The following MFF variants were observed in gnomAD, a reference collection of about 807,000 sequenced individuals.
The protein encoded by MFF is mitochondrial fission factor, also known as chromosome 2 open reading frame 33.
MFF carries 12 observed loss-of-function variants against 36.9 expected under a neutral mutation model. The observed-to-expected ratio is 0.33, with a 90% CI of 0.21 to 0.53. MFF has a LOEUF of 0.53. Among genes scored for constraint, MFF ranks in the 20% least tolerant of loss-of-function variants. MFF has a pLI of 0.95. For missense variants in MFF, 348 were observed against 366.6 expected, an observed-to-expected ratio of 0.95 and a Z score of 0.42; for synonymous variants, 99 against 126.2, an observed-to-expected ratio of 0.78 and a Z score of 1.44.
chr2:227,333,220 A>G (rs564559128), intron 4 of MFF, among the ~76,000 whole-genome samples: 4 of 152,306 alleles, frequency 2.6e-5, no homozygotes, highest in African/African-American at 9.6e-5. Context: ...GTATGAGACA[A>G]TGTGCAAACA....
At chr2:227,328,472 C>T (rs148560940) in intron 1 of MFF, among the ~76,000 whole-genome samples, 55 of 152,260 alleles carry the variant, frequency 3.6e-4, no homozygotes, top group African/African-American at 1.3e-3. Context: ...TTTATATTGC[C>T]TTAACTAATG....
At chr2:227,333,141 C>T (rs1377950544) in intron 4 of MFF, among the ~76,000 whole-genome samples, 1 of 152,142 alleles carries the variant, frequency 6.6e-6, no homozygotes, top group Non-Finnish European at 1.5e-5. Flanking sequence ...GCTGCTTTGC[C>T]GTGATGATTG....
chr2:227,350,166 C>A (rs79907837), intron 6 of MFF, among the ~76,000 whole-genome samples: 63 of 152,208 alleles, frequency 4.1e-4, no homozygotes, highest in Non-Finnish European at 7.8e-4. Context: ...TTTATTTACA[C>A]AGGTGAGTGT....
intron 4 of MFF, among the ~76,000 whole-genome samples, chr2:227,334,668 TG>T (rs1184540772): frequency 6.6e-6 from 1 of 152,114 alleles, no homozygotes; most frequent in African/African-American, 2.4e-5. Flanking sequence ...AATTCCTTGT[TG>T]TGGTGAGAGC....
chr2:227,340,294 C>A lies in MFF; in HGVS notation c.354C>A (p.Ile118=). 4 of 1,613,302 alleles carry A rather than the reference C, an allele frequency of 2.5e-6. No individual in the cohort carries two copies. The South Asian group carries it at 4.4e-5, about 18-fold the overall frequency. Residue 118 remains isoleucine, a splice_region_variant and synonymous_variant, in exon 5 of 9, where the codon ATC becomes ATA. Coordinates refer to ENST00000304593, the MANE Select transcript of MFF (RefSeq NM_001277062.2). ...TCCCTCTCTTTGTGCCTTAACAGAT[C>A]CGAGCAGTTGGCAGACTAAAAAGAG... ...RPPTTPQNEE[I]RAVGRLKRER... is the part of the protein sequence containing the mutation.
At chr2:227,355,152 ACT>A (rs1305966292) in intron 7 of MFF, 2 of 152,606 alleles carry the variant, frequency 1.3e-5, no homozygotes, top group Non-Finnish European at 2.9e-5. Flanking sequence ...CAAAAGTGAA[ACT>A]CTGTCTCAAA....
chr2:227,332,651 C>T (rs986386166), intron 4 of MFF, 63 bp downstream of exon 4: 10 of 1,307,858 alleles, frequency 7.6e-6, no homozygotes, highest in Admixed American at 4.3e-5. Context: ...AAGAGAAGAG[C>T]AAAGAGGCTT....
chr2:227,354,656 C>T (rs192716346), intron 7 of MFF, among the ~76,000 whole-genome samples: 9 of 152,188 alleles, frequency 5.9e-5, no homozygotes, highest in South Asian at 2.1e-4. Context: ...AAATTAGTGC[C>T]GCTTTAGAAG....
In MFF at chr2:227,342,177, T is replaced by C. The variant is rs147679434; in HGVS notation, c.440+1797T>C. Among the ~76,000 whole-genome samples, 1,326 of 152,206 alleles carry C rather than the reference T, an allele frequency of 8.7e-3. 11 individuals are homozygous for C. The highest frequency in any genetic ancestry group is 0.041 in the Middle Eastern group (12 of 294). On this transcript the variant is annotated intron_variant, in intron 5 of 8. Transcript: ENST00000304593. ...TGATAGTAAAAGTAATGAATCTTTA[T>C]ACATTTTCACAGTGAAACACTTAAC...
In MFF at chr2:227,335,324, C is replaced by T. The variant is rs541222358; in HGVS notation, c.351+2736C>T. 1.3e-3 allele frequency among the ~76,000 whole-genome samples: 195 copies of T among 152,186 alleles called. 1 individual carries two copies. Among genetic ancestry groups the T allele is most frequent in the African/African-American group, 4.5e-3 (188 of 41,506 alleles). On this transcript the variant is annotated intron_variant, in intron 4 of 8. Coordinates refer to ENST00000304593, the MANE Select transcript of MFF (RefSeq NM_001277062.2). Reference sequence around the variant, plus strand: ...TGGCCAAATGAATGAAGACAGGATACAGAGCAGTGGTTGTCAGGGGGTTAG... The same window carrying T: ...TGGCCAAATGAATGAAGACAGGATATAGAGCAGTGGTTGTCAGGGGGTTAG...
chr2:227,345,786 C>T (rs2075677691), intron 5 of MFF, among the ~76,000 whole-genome samples: 1 of 152,060 alleles, frequency 6.6e-6, no homozygotes, highest in Non-Finnish European at 1.5e-5. Context: ...TATATGTATT[C>T]CCAGAGATTG....
intron 5 of MFF, among the ~76,000 whole-genome samples, chr2:227,345,403 G>C (rs2075654177): frequency 6.6e-6 from 1 of 152,200 alleles, no homozygotes; most frequent in African/African-American, 2.4e-5. Flanking sequence ...TTATTTATCA[G>C]TACAGAATGA....
Position 227,352,578 on chromosome 2 carries a change from A to C in MFF, c.659+5A>C. The C allele has an allele frequency of 6.9e-7, 1 of 1,447,444 alleles. No individual in the cohort carries two copies. 89.7% of individuals were successfully genotyped at this position (1,447,444 alleles called of 1,614,324 possible). On this transcript the variant is annotated splice_donor_5th_base_variant and intron_variant, in intron 7 of 8. Transcript: ENST00000304593. ...TCCTCATCATGACAACGTCAGGTAA[A>C]TTTTGAGACTTCGTAATTACCAGGG...
Position 227,336,906 on chromosome 2 carries a change from C to T in MFF, c.352-3386C>T, listed in dbSNP as rs116205726. Among the ~76,000 whole-genome samples the T allele has an allele frequency of 1.6e-3, 246 of 152,278 alleles. 1 individual carries two copies. Among genetic ancestry groups the T allele is most frequent in the African/African-American group, 5.8e-3 (240 of 41,540 alleles). On this transcript the variant is annotated intron_variant, in intron 4 of 8. Coordinates refer to ENST00000304593, the MANE Select transcript of MFF (RefSeq NM_001277062.2). ...TATATGACATATCCTAAAACAAATG[C>T]AGAAGGGCTCCCAGGGACTCAGTGA...
rs540977371 is a variant in MFF, at chr2:227,355,045, C to T, written c.660-632C>T. Among the ~76,000 whole-genome samples the T allele has an allele frequency of 2.0e-5, 3 of 152,266 alleles. No homozygotes were observed. In the East Asian group the frequency reaches 5.8e-4, roughly 29 times the overall value. On this transcript the variant is annotated intron_variant, in intron 7 of 8. Transcript: ENST00000304593. Reference sequence around the variant, plus strand: ...GCATGGTGGCAGGTGCCTGTAATTCCAGCTACTTGGGAGGCTGAGGTAGGA... The same window carrying T: ...GCATGGTGGCAGGTGCCTGTAATTCTAGCTACTTGGGAGGCTGAGGTAGGA...
intron 5 of MFF, among the ~76,000 whole-genome samples, chr2:227,340,727 C>T (rs76718334): frequency 0.13 from 20,414 of 151,992 alleles, 1,401 homozygotes; most frequent in Non-Finnish European, 0.15. Context: ...TTCTCCCTTA[C>T]GATTCATTGA....
intron 3 of MFF, among the ~76,000 whole-genome samples, chr2:227,331,428 C>T (rs1319498754): frequency 2.0e-5 from 3 of 152,122 alleles, no homozygotes; most frequent in African/African-American, 4.8e-5. Context: ...CATCTTCATT[C>T]GTTGATTGCT....
intron 4 of MFF, among the ~76,000 whole-genome samples, chr2:227,337,985 C>T (rs375923761): frequency 1.5e-4 from 23 of 151,604 alleles, no homozygotes; most frequent in African/African-American, 5.6e-4. Flanking sequence ...GCAGAGATTG[C>T]ATAAGCCAAG....
At chr2:227,338,882 T>A (rs1033234250) in intron 4 of MFF, among the ~76,000 whole-genome samples, 1 of 150,436 alleles carries the variant, frequency 6.6e-6, no homozygotes, top group African/African-American at 2.4e-5. Flanking sequence ...GCTATTTTAG[T>A]GGGGGGTTTT....
Sources: allele counts gnomAD v4.1 joint callset (sites outside exome capture counted in the v4.1 genomes callset), GRCh38; gene constraint gnomAD v4.1.1; transcripts MANE v1.5; gene names NCBI Gene and HGNC (gene_info 2026-07-23, HGNC 2026-07-21).